The following ESR1 variants were observed in gnomAD, a reference collection of about 807,000 sequenced individuals.
ESR1 encodes estrogen receptor 1.
A neutral mutation model predicts 52.7 loss-of-function variants in ESR1; 12 were observed. That is an observed-to-expected ratio of 0.23 (90% confidence interval 0.15 to 0.37). The LOEUF (loss-of-function observed/expected upper bound fraction) is 0.37, where lower values mean the gene tolerates loss of function less well. Ranked by LOEUF, ESR1 falls within the 10% of genes least tolerant of loss-of-function variation. The probability of loss-of-function intolerance (pLI) is 1.00; values close to 1 mark genes in which losing one functional copy is unlikely to be tolerated. For missense variants in ESR1, 584 were observed against 779.7 expected (o/e 0.75, Z 2.99); for synonymous variants, 305 against 316.8 (o/e 0.96, Z 0.39).
chr6:152,059,283 TA>T (rs1474369860), intron 5 of ESR1, among the ~76,000 whole-genome samples: 2 of 152,028 alleles, frequency 1.3e-5, no homozygotes, highest in African/African-American at 4.8e-5. Flanking sequence ...AAGATAATTT[TA>T]TATGTTATGT....
At chr6:151,912,837 C>T (rs1400223711) in intron 3 of ESR1, among the ~76,000 whole-genome samples, 1 of 152,134 alleles carries the variant, frequency 6.6e-6, no homozygotes, top group Non-Finnish European at 1.5e-5. Flanking sequence ...CCAAACACCT[C>T]ATGTTCGCAC....
intron 4 of ESR1, among the ~76,000 whole-genome samples, chr6:152,005,174 A>AT (rs2042238417): frequency 6.6e-6 from 1 of 152,018 alleles, no homozygotes. Flanking sequence ...GTATGAAGAC[A>AT]GCTGCATTCT....
At chr6:152,060,666 A>C (rs538813752) in intron 5 of ESR1, among the ~76,000 whole-genome samples, 1 of 152,324 alleles carries the variant, frequency 6.6e-6, no homozygotes, top group South Asian at 2.1e-4. Context: ...GTATTAGATA[A>C]ATCGTTTACC....
intron 2 of ESR1, among the ~76,000 whole-genome samples, chr6:151,709,337 T>A (rs1422222189): frequency 6.6e-6 from 1 of 152,204 alleles, no homozygotes; most frequent in African/African-American, 2.4e-5. Context: ...GGCTGAATGG[T>A]ATTCCACTGT....
At chr6:151,797,122 C>T (rs1776785666) in intron 2 of ESR1, among the ~76,000 whole-genome samples, 2 of 152,222 alleles carry the variant, frequency 1.3e-5, no homozygotes, top group African/African-American at 2.4e-5. Context: ...ACAAGTGTTA[C>T]TGGCTACTTA....
intron 3 of ESR1, among the ~76,000 whole-genome samples, chr6:151,890,136 G>C (rs933670455): frequency 6.6e-6 from 1 of 150,794 alleles, no homozygotes; most frequent in African/African-American, 2.4e-5. Flanking sequence ...CCAGGCTGGA[G>C]TGCACTGGCT....
At chr6:151,735,093 C>A (rs906690406) in intron 2 of ESR1, among the ~76,000 whole-genome samples, 1 of 152,128 alleles carries the variant, frequency 6.6e-6, no homozygotes, top group African/African-American at 2.4e-5. Context: ...CTTCATTAGA[C>A]AAGGATGCTA....
At chr6:151,998,782 A>G (rs1002437326) in intron 4 of ESR1, among the ~76,000 whole-genome samples, 3 of 152,142 alleles carry the variant, frequency 2.0e-5, no homozygotes, top group Admixed American at 6.6e-5. Flanking sequence ...CTTAACTTAC[A>G]TTCCAAAGTT....
chr6:152,078,610 C>T (rs1042687668), intron 6 of ESR1, among the ~76,000 whole-genome samples: 1 of 152,152 alleles, frequency 6.6e-6, no homozygotes, highest in Admixed American at 6.5e-5. Context: ...GTTCATCTCA[C>T]TGGGACTGGT....
At chr6:152,107,703 C>T (rs1543404), downstream of ESR1, among the ~76,000 whole-genome samples, 74,205 of 151,882 alleles carry the variant, frequency 0.49, 18,286 homozygotes, top group East Asian at 0.55. Flanking sequence ...TTTTAGATAC[C>T]CTATTGTAGC....
At chr6:151,938,043 T>G (rs1251147275) in intron 3 of ESR1, among the ~76,000 whole-genome samples, 4 of 152,352 alleles carry the variant, frequency 2.6e-5, no homozygotes, top group Non-Finnish European at 4.4e-5. Flanking sequence ...TTCTTTAACA[T>G]GTTGAATTTA....
At chr6:152,125,408 G>T in exon 7 of ESR1, 1 of 1,509,888 alleles carries the variant, frequency 6.6e-7, no homozygotes. Flanking sequence ...GTGTGGACGT[G>T]GGGACATTTT....
At chr6:151,748,348 A>T (rs1490060570) in intron 2 of ESR1, among the ~76,000 whole-genome samples, 1 of 152,214 alleles carries the variant, frequency 6.6e-6, no homozygotes, top group Non-Finnish European at 1.5e-5. Context: ...ATGTAGGAGT[A>T]TACTATTTTG....
chr6:151,861,604 C>T (rs983514135), intron 2 of ESR1, among the ~76,000 whole-genome samples: 3 of 152,084 alleles, frequency 2.0e-5, no homozygotes, highest in Non-Finnish European at 4.4e-5. Context: ...ACGTTCACTG[C>T]AAAGCCCAGA....
At chr6:151,685,545 A>G (rs527720707), upstream of ESR1, among the ~76,000 whole-genome samples, 1 of 152,354 alleles carries the variant, frequency 6.6e-6, no homozygotes, top group Admixed American at 6.5e-5. Flanking sequence ...TCTGGATCCT[A>G]CTTGAGACCT....
At chr6:151,969,958 T>A (rs1373493238) in intron 4 of ESR1, among the ~76,000 whole-genome samples, 2 of 152,114 alleles carry the variant, frequency 1.3e-5, no homozygotes. Context: ...TGCCTCCCTA[T>A]GTGTCCCCTC....
chr6:152,102,616 A>T lies in ESR1; in HGVS notation c.*3650A>T, dbSNP rs372484461. The T allele has an allele frequency of 3.1e-4, 68 of 220,780 alleles. No individual in the cohort carries two copies. The highest frequency in any genetic ancestry group is 1.5e-3 in the African/African-American group (67 of 44,764). 13.7% of individuals were successfully genotyped at this position (220,780 alleles called of 1,614,324 possible). A position where few individuals can be genotyped will look rare whatever the true frequency, so the allele number is the denominator to read the frequency against. Reference sequence around the variant, plus strand: ...AATATCCATCTTTTCAGTAGCGTTAATTATGCTCTGTTTCCAACTGCATTT... The same window carrying T: ...AATATCCATCTTTTCAGTAGCGTTATTTATGCTCTGTTTCCAACTGCATTT... On this transcript the variant is annotated 3_prime_UTR_variant, in exon 8 of 8. Transcript: ENST00000206249.
intron 5 of ESR1, among the ~76,000 whole-genome samples, chr6:152,052,905 G>A (rs1348329052): frequency 6.6e-6 from 1 of 152,122 alleles, no homozygotes; most frequent in African/African-American, 2.4e-5. Flanking sequence ...TTGAACAAGG[G>A]CCAGAAACCC....
At chr6:151,766,611 T>C (rs754384283) in intron 2 of ESR1, among the ~76,000 whole-genome samples, 80 of 152,244 alleles carry the variant, frequency 5.3e-4, no homozygotes, top group Non-Finnish European at 1.1e-3. Flanking sequence ...TGCTGAGTTT[T>C]ATAGCTTGAA....
Sources: gnomAD v4.1 joint callset for allele counts (sites outside exome capture counted in the v4.1 genomes callset) on GRCh38, gnomAD v4.1.1 for gene constraint, MANE v1.5 for transcripts, NCBI Gene and HGNC (gene_info 2026-07-23, HGNC 2026-07-21) for gene names.